Variants in BCL2L13 observed in about 807,000 individuals in gnomAD.
The protein encoded by BCL2L13 is bcl-2-like protein 13.
Under a neutral mutation model 25.8 loss-of-function variants are expected in BCL2L13, and 13 were observed. The observed-to-expected ratio is 0.50, with a 90% confidence interval of 0.33 to 0.80. The LOEUF (loss-of-function observed/expected upper bound fraction) is 0.80, where lower values mean the gene tolerates loss of function less well. Ranked by LOEUF, BCL2L13 falls within the 30% of genes least tolerant of loss-of-function variation. BCL2L13 has a pLI of 0.02. For synonymous variants in BCL2L13, 244 were observed against 230.3 expected (o/e 1.06, Z -0.54); for missense variants, 504 against 574.9 (o/e 0.88, Z 1.26).
chr22:17,629,573 G>A (rs1216814604), intron 1 of BCL2L13, among the ~76,000 whole-genome samples: 1 of 152,006 alleles, frequency 6.6e-6, no homozygotes, highest in Non-Finnish European at 1.5e-5. Context: ...AATCCCAAAG[G>A]CAAAAACTTT....
At chr22:17,649,278 G>A (rs1206898300) in intron 1 of BCL2L13, among the ~76,000 whole-genome samples, 1 of 151,812 alleles carries the variant, frequency 6.6e-6, no homozygotes, top group Non-Finnish European at 1.5e-5. Flanking sequence ...TTGTATTTTA[G>A]TAGGGACGGG....
upstream of BCL2L13, among the ~76,000 whole-genome samples, chr22:17,637,115 A>AT (rs989927710): frequency 1.3e-5 from 2 of 151,806 alleles, no homozygotes; most frequent in South Asian, 2.1e-4. Flanking sequence ...TCTATTAAAA[A>AT]TTTTTAAAAA....
At chr22:17,630,803 G>A (rs191830037) in intron 1 of BCL2L13, among the ~76,000 whole-genome samples, 3 of 150,932 alleles carry the variant, frequency 2.0e-5, no homozygotes, top group African/African-American at 7.3e-5. Context: ...ATTGGCCAGG[G>A]TGGTCTTGAA....
intron 6 of BCL2L13, among the ~76,000 whole-genome samples, chr22:17,711,569 G>T (rs1300046732): frequency 6.6e-6 from 1 of 152,030 alleles, no homozygotes; most frequent in Non-Finnish European, 1.5e-5. Flanking sequence ...GAGTGCTAAG[G>T]TTACAGGCGT....
At chr22:17,701,321 G>A (rs1485207863) in intron 5 of BCL2L13, among the ~76,000 whole-genome samples, 1 of 152,094 alleles carries the variant, frequency 6.6e-6, no homozygotes. Context: ...GATATGCTTT[G>A]AAAAATAAAA....
chr22:17,652,881 G>C (rs893530732), intron 1 of BCL2L13, among the ~76,000 whole-genome samples: 1 of 152,094 alleles, frequency 6.6e-6, no homozygotes, highest in Admixed American at 6.6e-5. Context: ...TGGCTAACAC[G>C]GTGAAACCCT....
rs561158682 is a variant in BCL2L13 at position 17,664,497 on chromosome 22, A to G, written c.121+8665A>G. ...CACAGTGCAAGCTGTCAGTGGATCT[A>G]CCATTCTGGGGTCTGGCGAACAGTG... is the stretch of plus-strand genomic sequence containing the variant. On this transcript the variant is annotated intron_variant, in intron 2 of 6. Transcript: ENST00000317582. 1.2e-4 allele frequency among the ~76,000 whole-genome samples: 18 copies of G among 152,066 alleles called. No homozygotes were observed. The East Asian group carries it at 1.4e-3, about 11-fold the overall frequency.
chr22:17,717,381 A>G (rs974912796), intron 6 of BCL2L13, among the ~76,000 whole-genome samples: 7 of 109,574 alleles, frequency 6.4e-5, no homozygotes, highest in Non-Finnish European at 8.8e-5. Context: ...ACTCTGTCTC[A>G]AAAAAGATCC....
At chr22:17,654,558 G>A (rs2058791259) in intron 1 of BCL2L13, among the ~76,000 whole-genome samples, 2 of 151,970 alleles carry the variant, frequency 1.3e-5, no homozygotes, top group Non-Finnish European at 2.9e-5. Flanking sequence ...GAGTAGCTGG[G>A]ACTACAGGTG....
chr22:17,686,138 G>GA (rs1183963070), intron 3 of BCL2L13, among the ~76,000 whole-genome samples: 2 of 151,966 alleles, frequency 1.3e-5, no homozygotes, highest in Admixed American at 6.6e-5. Context: ...CGTTAGTAGA[G>GA]AAAAAACACA....
At chr22:17,630,302 CAG>C (rs1471612479) in intron 1 of BCL2L13, among the ~76,000 whole-genome samples, 1 of 148,614 alleles carries the variant, frequency 6.7e-6, no homozygotes, top group Non-Finnish European at 1.5e-5. Flanking sequence ...TTTTTTGAGA[CAG>C]AGTCTCACTC....
chr22:17,669,030 CTTTTTTTTTTTT>C (rs537315017), intron 2 of BCL2L13, among the ~76,000 whole-genome samples: 1 of 111,834 alleles, frequency 8.9e-6, no homozygotes, highest in Non-Finnish European at 1.7e-5. Context: ...CTGTTTCTTT[CTTTTTTTTTTTT>C]TTTTTTTTGA....
chr22:17,641,535 T>G (rs2146390002), intron 1 of BCL2L13, among the ~76,000 whole-genome samples: 1 of 152,328 alleles, frequency 6.6e-6, no homozygotes, highest in Middle Eastern at 3.4e-3. Flanking sequence ...TAGCTGATTT[T>G]TTTTAACAAC....
intron 6 of BCL2L13, among the ~76,000 whole-genome samples, chr22:17,717,088 C>T (rs1229107511): frequency 6.6e-6 from 1 of 152,192 alleles, no homozygotes; most frequent in African/African-American, 2.4e-5. Flanking sequence ...TGATACTTTT[C>T]AGCACCATGT....
At chr22:17,631,706 A>ATATATAT (rs1568904043) in intron 1 of BCL2L13, among the ~76,000 whole-genome samples, 5 of 10,932 alleles carry the variant, frequency 4.6e-4, no homozygotes, top group Non-Finnish European at 8.7e-4. Context: ...ATATATATAT[A>ATATATAT]TTTTTTTTTT....
intron 1 of BCL2L13, among the ~76,000 whole-genome samples, chr22:17,639,290 C>T (rs1010409912): frequency 4.6e-5 from 7 of 152,252 alleles, no homozygotes; most frequent in East Asian, 1.9e-4. Flanking sequence ...TCACTTAGAA[C>T]ACTGGAAGAT....
In BCL2L13 at chr22:17,638,894, G is replaced by C; in HGVS notation, c.-51+8G>C. 2 of 1,232,326 alleles carry C rather than the reference G, an allele frequency of 1.6e-6. No homozygotes were observed. The highest frequency in any genetic ancestry group is 2.0e-6 in the Non-Finnish European group (2 of 988,494). The allele number at this position is 1,232,326 out of a possible 1,614,324, so 76.3% of individuals were successfully genotyped here. On this transcript the variant is annotated splice_region_variant and intron_variant, in intron 1 of 6. Transcript: ENST00000317582. ...GGCAGGGGCCAGGGCCAGGTGAGGG[G>C]AGTGGGGTTCCGGGAAGGCTGAGCT... is the stretch of plus-strand genomic sequence containing the variant.
intron 1 of BCL2L13, among the ~76,000 whole-genome samples, chr22:17,654,021 C>T (rs2058769323): frequency 6.6e-6 from 1 of 152,002 alleles, no homozygotes; most frequent in South Asian, 2.1e-4. Context: ...GTCTTCATGT[C>T]TAATGCCTAT....
chr22:17,629,994 A>C (rs1308463912), intron 1 of BCL2L13, among the ~76,000 whole-genome samples: 1 of 152,014 alleles, frequency 6.6e-6, no homozygotes, highest in Non-Finnish European at 1.5e-5. Context: ...TGAGGTGGGC[A>C]GATCACCTGA....
Sources: allele counts gnomAD v4.1 joint callset (sites outside exome capture counted in the v4.1 genomes callset), GRCh38; gene constraint gnomAD v4.1.1; transcripts MANE v1.5; gene names NCBI Gene and HGNC (gene_info 2026-07-23, HGNC 2026-07-21).